SPAG16: variants seen among roughly 807,000 people sequenced by gnomAD.
SPAG16 encodes the protein sperm associated antigen 16.
In SPAG16, 86 loss-of-function variants were observed where a neutral mutation model predicts 80.4. That is an observed-to-expected ratio of 1.07 (90% confidence interval 0.90 to 1.28). The LOEUF is 1.28. Ranked by LOEUF, SPAG16 falls within the 50% of genes most tolerant of loss-of-function variation. The pLI, the probability that SPAG16 is intolerant of heterozygous loss-of-function variation, is 0.00. For synonymous variants in SPAG16, 294 were observed against 265.9 expected, an observed-to-expected ratio of 1.11 and a Z score of -1.03; for missense variants, 870 against 765.3, an observed-to-expected ratio of 1.14 and a Z score of -1.61.
intron 10 of SPAG16, among the ~76,000 whole-genome samples, chr2:213,550,430 CT>C (rs770211778): frequency 3.3e-5 from 5 of 151,980 alleles, no homozygotes; most frequent in Admixed American, 6.6e-5. Flanking sequence ...TCAAGAAAAT[CT>C]TTAGCAATTC....
At chr2:213,845,370 G>C (rs956232190) in intron 10 of SPAG16, among the ~76,000 whole-genome samples, 2 of 151,786 alleles carry the variant, frequency 1.3e-5, no homozygotes, top group African/African-American at 4.8e-5. Flanking sequence ...GCTAATTTTT[G>C]TATTTTTAGA....
chr2:213,746,252 C>T (rs1425245019), intron 10 of SPAG16, among the ~76,000 whole-genome samples: 1 of 152,162 alleles, frequency 6.6e-6, no homozygotes, highest in Non-Finnish European at 1.5e-5. Flanking sequence ...CATCTAAAGC[C>T]GCCTGAAGTT....
chr2:213,969,688 T>C (rs953338760), intron 12 of SPAG16, among the ~76,000 whole-genome samples: 1 of 152,192 alleles, frequency 6.6e-6, no homozygotes, highest in South Asian at 2.1e-4. Context: ...GAAATACATT[T>C]ATCTTTTTTT....
chr2:213,666,670 A>G (rs1237735471), intron 10 of SPAG16, among the ~76,000 whole-genome samples: 1 of 152,298 alleles, frequency 6.6e-6, no homozygotes, highest in Admixed American at 6.5e-5. Flanking sequence ...ACCCACTGCT[A>G]TTCGTTTTAC....
At chr2:213,650,989 T>C (rs1477563580) in intron 10 of SPAG16, among the ~76,000 whole-genome samples, 3 of 152,210 alleles carry the variant, frequency 2.0e-5, no homozygotes, top group African/African-American at 7.2e-5. Flanking sequence ...TTCAGATCTT[T>C]CAGACCTGAG....
intron 10 of SPAG16, among the ~76,000 whole-genome samples, chr2:213,597,998 C>A (rs2124956967): frequency 6.6e-6 from 1 of 152,238 alleles, no homozygotes; most frequent in African/African-American, 2.4e-5. Flanking sequence ...CTGAGGGCTG[C>A]TATCTTTGAG....
At chr2:213,325,620 ATGTGTGTG>A (rs10534467) in intron 5 of SPAG16, among the ~76,000 whole-genome samples, 6 of 149,092 alleles carry the variant, frequency 4.0e-5, no homozygotes, top group South Asian at 4.3e-4. Context: ...TTGGAAAAAT[ATGTGTGTG>A]TGTGTGTGTG....
At position 213,930,152 on chromosome 2, in the gene SPAG16, A is replaced by C. The variant is rs1044054914; in HGVS notation, c.1400+7A>C. The C allele has an allele frequency of 6.2e-7, 1 of 1,610,790 alleles. No individual in the cohort carries two copies. The highest frequency in any genetic ancestry group is 1.7e-5 in the Admixed American group (1 of 59,738). ...AAATTTGGGATGTTAATAGGTAAGA[A>C]GTACTTTAAACATTACTAATCCTCT... On this transcript the variant is annotated splice_region_variant and intron_variant, in intron 12 of 15. Coordinates refer to ENST00000331683, the MANE Select transcript of SPAG16 (RefSeq NM_024532.5).
chr2:214,070,531 G>T (rs1393921385), intron 13 of SPAG16, among the ~76,000 whole-genome samples: 1 of 151,496 alleles, frequency 6.6e-6, no homozygotes, highest in Admixed American at 6.6e-5. Context: ...TTTTCTAGTC[G>T]GTTCCAGCCA....
At chr2:213,676,016 G>A (rs2064050725) in intron 10 of SPAG16, among the ~76,000 whole-genome samples, 1 of 152,178 alleles carries the variant, frequency 6.6e-6, no homozygotes, top group Non-Finnish European at 1.5e-5. Flanking sequence ...TCCTACCCAT[G>A]AGCATGGAAT....
At chr2:213,700,425 T>C (rs2065355218) in intron 10 of SPAG16, among the ~76,000 whole-genome samples, 3 of 152,178 alleles carry the variant, frequency 2.0e-5, no homozygotes, top group African/African-American at 4.8e-5. Context: ...TAACACATCA[T>C]ATTTATATCC....
rs557208310 is a variant in SPAG16 at position 213,368,047 on chromosome 2, C to G, written c.832+3902C>G. On this transcript the variant is annotated intron_variant, in intron 8 of 15. Transcript: ENST00000331683. ...CAGCACCACTTATTAAATAGGGAATCCTTTCCCCATTGCTTGTTTTTGTCA... is the reference window on the plus strand; with the variant it reads ...CAGCACCACTTATTAAATAGGGAATGCTTTCCCCATTGCTTGTTTTTGTCA... 9.0e-3 allele frequency among the ~76,000 whole-genome samples: 1,354 copies of G among 150,442 alleles called. 7 individuals carry two copies. Among genetic ancestry groups the G allele is most frequent in the Non-Finnish European group, 0.012 (839 of 67,648 alleles).
intron 12 of SPAG16, among the ~76,000 whole-genome samples, chr2:213,947,888 A>G (rs2079544522): frequency 6.6e-6 from 1 of 151,894 alleles, no homozygotes; most frequent in South Asian, 2.1e-4. Context: ...TCCTTCAGCA[A>G]TTTTTCTTTT....
chr2:213,356,379 G>T (rs1480926195), intron 7 of SPAG16, among the ~76,000 whole-genome samples: 1 of 152,124 alleles, frequency 6.6e-6, no homozygotes, highest in Non-Finnish European at 1.5e-5. Context: ...TCTGATCTTG[G>T]ACTTTATTTG....
chr2:214,348,518 A>C (rs1230272412), intron 15 of SPAG16, among the ~76,000 whole-genome samples: 2 of 152,198 alleles, frequency 1.3e-5, no homozygotes, highest in African/African-American at 4.8e-5. Context: ...TACCAAAGTT[A>C]TGAAGCTGCT....
chr2:214,396,227 T>C (rs1414786910), intron 15 of SPAG16, among the ~76,000 whole-genome samples: 4 of 152,178 alleles, frequency 2.6e-5, no homozygotes, highest in Non-Finnish European at 4.4e-5. Flanking sequence ...GCAAATATTT[T>C]GTACCAGGCT....
intron 5 of SPAG16, among the ~76,000 whole-genome samples, chr2:213,318,554 G>C (rs1377280022): frequency 6.6e-6 from 1 of 151,896 alleles, no homozygotes; most frequent in African/African-American, 2.4e-5. Context: ...CTACTTGGGT[G>C]ATTGGTACAC....
chr2:214,239,767 C>G (rs971717519), intron 15 of SPAG16: 2 of 152,108 alleles, frequency 1.3e-5, no homozygotes, highest in African/African-American at 4.8e-5. Context: ...CACCCAGAAT[C>G]CTGGAGAGGA....
At chr2:213,479,897 T>C (rs2073658087) in intron 9 of SPAG16, among the ~76,000 whole-genome samples, 2 of 152,238 alleles carry the variant, frequency 1.3e-5, no homozygotes, top group South Asian at 4.1e-4. Context: ...GGACAGCATG[T>C]TTCCATGTTG....
Sources: allele counts gnomAD v4.1 joint callset (sites outside exome capture counted in the v4.1 genomes callset), GRCh38; gene constraint gnomAD v4.1.1; transcripts MANE v1.5; gene names NCBI Gene and HGNC (gene_info 2026-07-23, HGNC 2026-07-21).